The following JAM2 variants were observed in gnomAD, a reference collection of about 807,000 sequenced individuals.
JAM2 encodes the protein junctional adhesion molecule B.
JAM2 carries 17 observed loss-of-function variants against 42.0 expected under a neutral mutation model. The ratio of observed to expected loss-of-function variants is 0.40; its 90% confidence interval spans 0.28 to 0.61. The LOEUF (loss-of-function observed/expected upper bound fraction) is 0.61. Ranked by LOEUF, JAM2 falls within the 20% of genes least tolerant of loss-of-function variation. The pLI is 0.37. For missense variants in JAM2, 319 were observed against 358.3 expected (o/e 0.89, Z 0.89); for synonymous variants, 118 against 128.6 (o/e 0.92, Z 0.56).
At chr21:25,695,983 G>T (rs1336137961) in intron 4 of JAM2, among the ~76,000 whole-genome samples, 1 of 152,182 alleles carries the variant, frequency 6.6e-6, no homozygotes, top group African/African-American at 2.4e-5. Context: ...TCCCAGACGG[G>T]GTGGCGGCCA....
chr21:25,686,212 G>T (rs1169442203), intron 2 of JAM2, among the ~76,000 whole-genome samples: 1 of 151,984 alleles, frequency 6.6e-6, no homozygotes, highest in Non-Finnish European at 1.5e-5. Context: ...ATAATGTATT[G>T]CAAGCAAATG....
chr21:25,654,307 T>G (rs1016734520), intron 1 of JAM2, among the ~76,000 whole-genome samples: 2 of 152,138 alleles, frequency 1.3e-5, no homozygotes, highest in African/African-American at 4.8e-5. Context: ...AATGGAAGGA[T>G]CAGTCTGTTA....
intron 6 of JAM2, among the ~76,000 whole-genome samples, chr21:25,705,197 C>T (rs528461143): frequency 1.2e-4 from 18 of 152,212 alleles, no homozygotes; most frequent in African/African-American, 3.4e-4. Flanking sequence ...CAAGAAGGAA[C>T]GTATTTCTTA....
At chr21:25,683,997 C>G (rs188697073) in intron 2 of JAM2, 49 bp downstream of exon 2, 2 of 1,157,884 alleles carry the variant, frequency 1.7e-6, no homozygotes, top group Non-Finnish European at 2.5e-6. Context: ...AAATAACTCA[C>G]GAGAGTGACT....
chr21:25,705,291 T>C (rs2034249254), intron 6 of JAM2, among the ~76,000 whole-genome samples: 1 of 152,190 alleles, frequency 6.6e-6, no homozygotes, highest in Non-Finnish European at 1.5e-5. Flanking sequence ...AGAGAAGTAG[T>C]GCAATCATAG....
At chr21:25,688,980 G>A (rs576663335) in intron 2 of JAM2, among the ~76,000 whole-genome samples, 2 of 150,426 alleles carry the variant, frequency 1.3e-5, no homozygotes, top group African/African-American at 4.9e-5. Context: ...TTTCCATTTG[G>A]CAACTTGAGG....
At chr21:25,681,427 G>T (rs1273685050) in intron 1 of JAM2, among the ~76,000 whole-genome samples, 1 of 152,174 alleles carries the variant, frequency 6.6e-6, no homozygotes, top group Non-Finnish European at 1.5e-5. Flanking sequence ...GAGAAGTGCA[G>T]AGTGAAGGTG....
intron 5 of JAM2, among the ~76,000 whole-genome samples, chr21:25,701,168 A>G (rs1043054767): frequency 6.6e-6 from 1 of 152,234 alleles, no homozygotes. Context: ...TTTTAGTCTA[A>G]CATATTATTT....
chr21:25,681,292 G>A (rs2033624629), intron 1 of JAM2, among the ~76,000 whole-genome samples: 2 of 152,170 alleles, frequency 1.3e-5, no homozygotes, highest in Non-Finnish European at 2.9e-5. Flanking sequence ...CCCGAGACTG[G>A]GTACTTCATA....
intron 2 of JAM2, among the ~76,000 whole-genome samples, chr21:25,686,147 C>A (rs1442304498): frequency 6.6e-6 from 1 of 152,154 alleles, no homozygotes; most frequent in Non-Finnish European, 1.5e-5. Context: ...AAACCCTGTA[C>A]CCATCTGCAT....
At chr21:25,644,866 T>TTTGTTTG (rs2032558646) in intron 1 of JAM2, among the ~76,000 whole-genome samples, 2 of 151,322 alleles carry the variant, frequency 1.3e-5, no homozygotes, top group Non-Finnish European at 2.9e-5. Flanking sequence ...GGTTTTTTGG[T>TTTGTTTG]TTTGTTTGTT....
chr21:25,712,643 A>G (rs1044224286), intron 9 of JAM2, among the ~76,000 whole-genome samples: 6 of 152,222 alleles, frequency 3.9e-5, no homozygotes, highest in African/African-American at 1.4e-4. Context: ...TTCTATAATT[A>G]GTCTGCCTTC....
In JAM2 at chr21:25,695,666, C is replaced by T. The variant is rs552399555; in HGVS notation, c.394+1758C>T. ...GCGGAGATGCTCCTCACTTCCCAGACGGGGCGGGGCGGCTGCCGGGCGGAG... is the reference window on the plus strand; with the variant it reads ...GCGGAGATGCTCCTCACTTCCCAGATGGGGCGGGGCGGCTGCCGGGCGGAG... On this transcript the variant is annotated intron_variant, in intron 4 of 9. Transcript: ENST00000480456. 5.3e-3 allele frequency among the ~76,000 whole-genome samples: 796 copies of T among 151,390 alleles called. 2 individuals are homozygous for T. Among genetic ancestry groups the T allele is most frequent in the African/African-American group, 0.017 (711 of 41,180 alleles).
At chr21:25,668,401 T>C (rs1257451052) in intron 1 of JAM2, among the ~76,000 whole-genome samples, 1 of 152,112 alleles carries the variant, frequency 6.6e-6, no homozygotes, top group African/African-American at 2.4e-5. Flanking sequence ...GAAAGAGATG[T>C]TAGTGCTCAG....
chr21:25,666,352 T>C (rs1387986758), intron 1 of JAM2, among the ~76,000 whole-genome samples: 1 of 150,984 alleles, frequency 6.6e-6, no homozygotes, highest in East Asian at 1.9e-4. Context: ...TGAGAAGGAG[T>C]CTTGCTCAGT....
chr21:25,669,579 T>C (rs1461092808), intron 1 of JAM2, among the ~76,000 whole-genome samples: 2 of 152,190 alleles, frequency 1.3e-5, no homozygotes, highest in East Asian at 3.8e-4. Context: ...GAATCTACTG[T>C]GTGCCAAGAG....
At chr21:25,668,306 G>C (rs2033272956) in intron 1 of JAM2, among the ~76,000 whole-genome samples, 1 of 152,136 alleles carries the variant, frequency 6.6e-6, no homozygotes, top group South Asian at 2.1e-4. Context: ...CATTTTAAAG[G>C]GTCACTCTAG....
At chr21:25,705,661 C>G (rs1165141627) in intron 6 of JAM2, among the ~76,000 whole-genome samples, 2 of 152,214 alleles carry the variant, frequency 1.3e-5, no homozygotes, top group African/African-American at 2.4e-5. Flanking sequence ...ACTCATTGAA[C>G]TTCAAAGATT....
At chr21:25,695,563 G>C (rs1250629232) in intron 4 of JAM2, among the ~76,000 whole-genome samples, 50 of 139,830 alleles carry the variant, frequency 3.6e-4, no homozygotes, top group Admixed American at 9.1e-4. Flanking sequence ...CGGGCAGAGG[G>C]GCCCCCCACC....
Sources: allele counts gnomAD v4.1 joint callset (sites outside exome capture counted in the v4.1 genomes callset), GRCh38; gene constraint gnomAD v4.1.1; transcripts MANE v1.5; gene names NCBI Gene and HGNC (gene_info 2026-07-23, HGNC 2026-07-21).